Variants in UNKL observed in about 807,000 individuals in gnomAD.
UNKL encodes the protein putative E3 ubiquitin-protein ligase UNKL.
In UNKL, 60 loss-of-function variants were observed where a neutral mutation model predicts 78.0. The ratio of observed to expected loss-of-function variants is 0.77; its 90% CI spans 0.63 to 0.95. UNKL has a LOEUF of 0.95. Ranked by LOEUF, UNKL falls within the 40% of genes least tolerant of loss-of-function variation. The pLI is 0.00. For missense variants in UNKL, 1,159 were observed against 1,045.7 expected (o/e 1.11, Z -1.49); for synonymous variants, 608 against 474.8 (o/e 1.28, Z -3.65).
chr16:1,379,704 C>G, intron 10 of UNKL: 3 of 983,784 alleles, frequency 3.0e-6, no homozygotes, highest in Non-Finnish European at 2.4e-6. Context: ...GCCCCGCCCC[C>G]TCCGCGCTGG....
intron 2 of UNKL, chr16:1,407,158 A>T (rs2037802377): frequency 6.7e-6 from 1 of 148,424 alleles, no homozygotes; most frequent in Non-Finnish European, 1.5e-5. Context: ...CAAAAAAAAG[A>T]AAGAAAGAAA....
chr16:1,380,673 ATT>A (rs57595079), intron 10 of UNKL, among the ~76,000 whole-genome samples: 8 of 99,398 alleles, frequency 8.0e-5, no homozygotes, highest in Admixed American at 1.5e-4. Flanking sequence ...CTGGTTCAGG[ATT>A]TTTTTTTTTT....
Position 1,375,227 on chromosome 16 carries a change from G to A in UNKL, c.1265-3616C>T, listed in dbSNP as rs1020008491. On this transcript the variant is annotated intron_variant, in intron 10 of 14. Coordinates refer to ENST00000389221, the MANE Select transcript of UNKL (RefSeq NM_001372107.1). ...GGACGTGGCGCAGCTGGCAGGTCCG[G>A]GCCTCTGAACTTCACCCCGAATCTG... Among the ~76,000 whole-genome samples the A allele has an allele frequency of 2.0e-5, 3 of 152,216 alleles. No individual in the cohort carries two copies. In the East Asian group the frequency reaches 5.8e-4, roughly 29 times the overall value.
In UNKL at chr16:1,385,284, G is replaced by A; in HGVS notation, c.1188C>T (p.Ser396=). The change falls in exon 10 of 15, where the codon TCC becomes TCT. Residue 396 remains serine (S), a synonymous_variant. Transcript: ENST00000389221. ...CGGGGGGCGCGGGCAGCGCAGTGGGGGAGGAGCTGCCGGAGCCGGCGCTGG... is the reference window on the plus strand; with the variant it reads ...CGGGGGGCGCGGGCAGCGCAGTGGGAGAGGAGCTGCCGGAGCCGGCGCTGG... The part of the protein sequence containing the change: ...LASSAGSGSS[S]PTALPAPPAR... The A allele has an allele frequency of 1.5e-6, 2 of 1,369,614 alleles. No individual in the cohort carries two copies. Among genetic ancestry groups the A allele is most frequent in the South Asian group, 1.7e-5 (1 of 59,244 alleles). The allele number at this position is 1,369,614 out of a possible 1,614,324, so 84.8% of individuals were successfully genotyped here.
chr16:1,400,560 A>AG (rs1363657618), intron 4 of UNKL, among the ~76,000 whole-genome samples: 2 of 151,440 alleles, frequency 1.3e-5, no homozygotes, highest in African/African-American at 2.4e-5. Context: ...GCTCATAAGC[A>AG]GGGGGGTTCC....
Position 1,399,341 on chromosome 16 carries a change from C to A in UNKL, c.734+33G>T, listed in dbSNP as rs555369421. Reference sequence around the variant, plus strand: ...CGGGCCGGGAAGGACGCCCACCAGCCGGAGTCCTCTGAGCACGGTCCCGCA... The same window carrying A: ...CGGGCCGGGAAGGACGCCCACCAGCAGGAGTCCTCTGAGCACGGTCCCGCA... On this transcript the variant is annotated intron_variant, in intron 5 of 14. Transcript: ENST00000389221. This position sits in a 1 kb window ranked among gnomAD's most constrained non-coding sequence, Gnocchi z 5.8. 9 of 1,532,852 alleles carry A rather than the reference C, an allele frequency of 5.9e-6. No homozygotes were observed. Among genetic ancestry groups the A allele is most frequent in the Non-Finnish European group, 7.9e-6 (9 of 1,139,594 alleles). The allele number at this position is 1,532,852 out of a possible 1,614,324, so 95.0% of individuals were successfully genotyped here.
rs77660674 is a variant in UNKL, at chr16:1,390,666, C to G, written c.1052G>C (p.Gly351Ala). 4,829 of 1,536,032 alleles carry G rather than the reference C, an allele frequency of 3.1e-3. 135 individuals are homozygous for G. The African/African-American group carries it at 0.057, about 18-fold the overall frequency. ...GTCTTGCTCGCTGCCCCTAGGGCCACCCTCGGCCGGCGAGTCTCTCCGCTT... is the reference window on the plus strand; with the variant it reads ...GTCTTGCTCGCTGCCCCTAGGGCCAGCCTCGGCCGGCGAGTCTCTCCGCTT... Reference protein sequence around the residue: ...NAKRRDSPAEGGPRGSEQDSK... With the variant: ...NAKRRDSPAEAGPRGSEQDSK... The change falls in exon 9 of 15, where the codon GGT (glycine) becomes GCT (alanine). Residue 351 changes from glycine to alanine, a missense_variant. By Grantham distance (60) the Gly-to-Ala change is moderately conservative (BLOSUM62 0). Transcript: ENST00000389221.
At chr16:1,406,930 G>A (rs556634792) in intron 2 of UNKL, among the ~76,000 whole-genome samples, 1 of 23,210 alleles carries the variant, frequency 4.3e-5, no homozygotes, top group Admixed American at 4.8e-4. Context: ...CTGAGGTCAG[G>A]AGTTAAGAGA....
rs1030067510 is a variant in UNKL at position 1,365,618 on chromosome 16, C to G, written c.*622G>C. ...ACTCTGCTTATAAATACTATTTGCA[C>G]TTAATTGGAAAATGTAAAAATCCTA... On this transcript the variant is annotated 3_prime_UTR_variant, in exon 15 of 15. Coordinates refer to ENST00000389221, the MANE Select transcript of UNKL (RefSeq NM_001372107.1). 6.6e-6 allele frequency: 1 copy of G among 152,578 alleles called. No homozygotes were observed. The highest frequency in any genetic ancestry group is 2.4e-5 in the African/African-American group (1 of 41,432). The allele number at this position is 152,578 out of a possible 1,614,324, so 9.5% of individuals were successfully genotyped here. A position where few individuals can be genotyped will look rare whatever the true frequency, so the allele number is the denominator to read the frequency against.
intron 2 of UNKL, among the ~76,000 whole-genome samples, chr16:1,406,791 A>C (rs1452612107): frequency 1.3e-5 from 2 of 152,172 alleles, no homozygotes; most frequent in Admixed American, 1.3e-4. Context: ...CTTAGGTCCT[A>C]AGGCATTCAA....
intron 7 of UNKL, among the ~76,000 whole-genome samples, chr16:1,393,441 C>A (rs544668918): frequency 6.8e-6 from 1 of 147,926 alleles, no homozygotes; most frequent in Non-Finnish European, 1.5e-5. Flanking sequence ...CCCACTGCAG[C>A]GTGGAGGAGG....
At chr16:1,398,767 G>A (rs1390203024) in intron 5 of UNKL, 1 of 1,532,888 alleles carries the variant, frequency 6.5e-7, no homozygotes, top group East Asian at 2.5e-5. Flanking sequence ...GGAGCAAGGA[G>A]GAGAAAGGGG....
chr16:1,372,120 C>T (rs921477634), intron 10 of UNKL, among the ~76,000 whole-genome samples: 1 of 151,546 alleles, frequency 6.6e-6, no homozygotes, highest in Non-Finnish European at 1.5e-5. Context: ...AAAAATTAGC[C>T]AGGCGTGGTG....
intron 2 of UNKL, among the ~76,000 whole-genome samples, chr16:1,410,972 T>A (rs1269990083): frequency 6.6e-6 from 1 of 152,182 alleles, no homozygotes; most frequent in Non-Finnish European, 1.5e-5. Flanking sequence ...GGTTTGCACC[T>A]ATAATCCCTG....
At chr16:1,398,679 G>GCGGGCCCCCCCCCCCCC in intron 5 of UNKL, 1 of 1,356,378 alleles carries the variant, frequency 7.4e-7, no homozygotes, top group Non-Finnish European at 9.5e-7. Context: ...TGTGGGGTCT[G>GCGGGCCCCCCCCCCCCC]CACCCCCCCA....
At chr16:1,388,991 C>T (rs559809415) in intron 9 of UNKL, among the ~76,000 whole-genome samples, 59 of 152,222 alleles carry the variant, frequency 3.9e-4, no homozygotes, top group Non-Finnish European at 6.6e-4. Flanking sequence ...GCCATCACCG[C>T]GTCCACCTCC....
At position 1,406,668 on chromosome 16, in the gene UNKL, G is replaced by A. The variant is rs76683003; in HGVS notation, c.288-3324C>T. ...TCTGAGTTTTAAAGACTGCTCGCAC[G>A]TCCCAGGCCGGCCGTGGGCTTTCCT... On this transcript the variant is annotated intron_variant, in intron 2 of 14. Coordinates refer to ENST00000389221, the MANE Select transcript of UNKL (RefSeq NM_001372107.1). Among the ~76,000 whole-genome samples, 1,425 of 152,128 alleles carry A rather than the reference G, an allele frequency of 9.4e-3. 24 individuals carry two copies. Among genetic ancestry groups the A allele is most frequent in the African/African-American group, 0.033 (1,349 of 41,500 alleles).
intron 2 of UNKL, among the ~76,000 whole-genome samples, chr16:1,413,342 G>A (rs1018896751): frequency 6.6e-6 from 1 of 151,728 alleles, no homozygotes; most frequent in Non-Finnish European, 1.5e-5. Context: ...GCCGAGGTGG[G>A]TGGATCACCT....
intron 3 of UNKL, among the ~76,000 whole-genome samples, chr16:1,402,681 A>C (rs991923039): frequency 6.8e-6 from 1 of 146,436 alleles, no homozygotes; most frequent in African/African-American, 2.5e-5. Flanking sequence ...AAAAAAGAAA[A>C]GAAAAGAAAG....
Sources: allele counts gnomAD v4.1 joint callset (sites outside exome capture counted in the v4.1 genomes callset), GRCh38; gene constraint gnomAD v4.1.1; non-coding constraint Gnocchi (gnomAD v3.1); transcripts MANE v1.5; gene names NCBI Gene and HGNC (gene_info 2026-07-23, HGNC 2026-07-21).